The following FGF14 variants were observed in gnomAD, a reference collection of about 807,000 sequenced individuals.
FGF14 encodes fibroblast growth factor 14, also known as fibroblast growth factor homologous factor 4.
Under a neutral mutation model 25.5 loss-of-function variants are expected in FGF14, and 5 were observed. The observed-to-expected ratio is 0.20, with a 90% CI of 0.10 to 0.41. The LOEUF (loss-of-function observed/expected upper bound fraction) is 0.41, where lower values mean the gene tolerates loss of function less well. FGF14 is among the 10% of genes least tolerant of loss of function. FGF14 has a pLI of 1.00. For missense variants in FGF14, 222 were observed against 320.1 expected (o/e 0.69, Z 2.34); for synonymous variants, 138 against 118.3 (o/e 1.17, Z -1.08).
intron 3 of FGF14, among the ~76,000 whole-genome samples, chr13:101,848,804 G>C (rs1307839582): frequency 6.6e-6 from 1 of 151,872 alleles, no homozygotes; most frequent in African/African-American, 2.4e-5. Context: ...GTTATTCTCA[G>C]TATTTTTACA....
chr13:102,184,598 A>G (rs2048804786), intron 1 of FGF14, among the ~76,000 whole-genome samples: 1 of 152,212 alleles, frequency 6.6e-6, no homozygotes, highest in African/African-American at 2.4e-5. Flanking sequence ...TGACTAGTAA[A>G]TACGAGCAGT....
intron 1 of FGF14, among the ~76,000 whole-genome samples, chr13:102,306,164 G>A (rs1016456249): frequency 1.3e-5 from 2 of 152,236 alleles, no homozygotes; most frequent in African/African-American, 4.8e-5. Flanking sequence ...TTGCATCCTG[G>A]TTTTGGCCAA....
upstream of FGF14, among the ~76,000 whole-genome samples, chr13:101,917,650 T>C (rs551086463): frequency 9.9e-5 from 15 of 151,722 alleles, no homozygotes; most frequent in African/African-American, 2.9e-4. Flanking sequence ...CAACCCCGGG[T>C]TGGAGGGAGG....
In FGF14 at chr13:102,240,452, C is replaced by T. The variant is rs544521597; in HGVS notation, c.208+161019G>A. Among the ~76,000 whole-genome samples, 18 of 152,224 alleles carry T rather than the reference C, an allele frequency of 1.2e-4. No individual in the cohort carries two copies. The South Asian group carries it at 1.7e-3, about 14-fold the overall frequency. On this transcript the variant is annotated intron_variant, in intron 1 of 4. Transcript: ENST00000376131. The stretch of plus-strand genomic sequence containing the variant: ...TTGCTCAACTAAAATAAACATTTCC[C>T]GGCAAATTCAAGAGCTGATATTTGC...
intron 1 of FGF14, among the ~76,000 whole-genome samples, chr13:102,230,792 T>A (rs1331632002): frequency 6.6e-6 from 1 of 152,182 alleles, no homozygotes; most frequent in Non-Finnish European, 1.5e-5. Context: ...ATAATACCTG[T>A]AAAGAGCATT....
At chr13:101,785,105 A>G (rs976188522) in intron 3 of FGF14, among the ~76,000 whole-genome samples, 3 of 152,190 alleles carry the variant, frequency 2.0e-5, no homozygotes, top group Non-Finnish European at 4.4e-5. Context: ...AAGTGCAGTC[A>G]TTACATCTGC....
intron 1 of FGF14, among the ~76,000 whole-genome samples, chr13:102,098,344 C>A (rs1359805226): frequency 6.6e-6 from 1 of 152,116 alleles, no homozygotes; most frequent in Non-Finnish European, 1.5e-5. Flanking sequence ...AGGTGTAATA[C>A]CTAGACGATC....
chr13:101,842,519 T>C (rs1020317568), intron 3 of FGF14, among the ~76,000 whole-genome samples: 3 of 152,016 alleles, frequency 2.0e-5, no homozygotes, highest in African/African-American at 7.2e-5. Context: ...TGAATACATG[T>C]GAGGACTATG....
chr13:101,859,819 A>G (rs1479023234), intron 3 of FGF14, among the ~76,000 whole-genome samples: 1 of 152,168 alleles, frequency 6.6e-6, no homozygotes, highest in Non-Finnish European at 1.5e-5. Flanking sequence ...TGGAAGGAGA[A>G]GGACATCTCC....
chr13:101,863,175 A>G (rs1207213477), intron 3 of FGF14, among the ~76,000 whole-genome samples: 1 of 152,180 alleles, frequency 6.6e-6, no homozygotes, highest in Non-Finnish European at 1.5e-5. Flanking sequence ...TATACTTTTT[A>G]TGATAAAGAA....
At chr13:101,966,772 C>T (rs567098974) in intron 1 of FGF14, among the ~76,000 whole-genome samples, 7 of 152,256 alleles carry the variant, frequency 4.6e-5, no homozygotes, top group African/African-American at 1.2e-4. Flanking sequence ...TCAGCCACCG[C>T]GCCTGGCCAA....
chr13:101,739,666 C>G (rs1230055270), intron 3 of FGF14, among the ~76,000 whole-genome samples: 1 of 152,102 alleles, frequency 6.6e-6, no homozygotes, highest in African/African-American at 2.4e-5. Flanking sequence ...AATCAGAATG[C>G]AGAATGTGAA....
chr13:102,048,393 T>C (rs1375364726), intron 1 of FGF14, among the ~76,000 whole-genome samples: 8 of 152,234 alleles, frequency 5.3e-5, no homozygotes, highest in African/African-American at 1.9e-4. Context: ...ACCTTGTGGT[T>C]AGTATACGGT....
chr13:102,294,041 C>G (rs959843226), intron 1 of FGF14: 1 of 152,004 alleles, frequency 6.6e-6, no homozygotes, highest in East Asian at 1.9e-4. Context: ...AACCTGAAAT[C>G]TGAAATATGA....
intron 1 of FGF14, among the ~76,000 whole-genome samples, chr13:101,914,992 T>A (rs1164656527): frequency 6.6e-6 from 1 of 152,232 alleles, no homozygotes; most frequent in Non-Finnish European, 1.5e-5. Flanking sequence ...TCTAGGCTAA[T>A]GTGGAAAATT....
chr13:102,113,506 T>A (rs959779718), intron 1 of FGF14, among the ~76,000 whole-genome samples: 14 of 152,210 alleles, frequency 9.2e-5, no homozygotes, highest in African/African-American at 3.1e-4. Context: ...GTATCTTAAT[T>A]ATAACATAAT....
At chr13:101,892,756 T>C (rs1256915605) in intron 1 of FGF14, among the ~76,000 whole-genome samples, 1 of 152,168 alleles carries the variant, frequency 6.6e-6, no homozygotes, top group Non-Finnish European at 1.5e-5. Context: ...GCCTCTTGAA[T>C]TTCTCTGAAA....
intron 1 of FGF14, among the ~76,000 whole-genome samples, chr13:102,102,804 AAC>A (rs2044722145): frequency 6.6e-6 from 1 of 152,220 alleles, no homozygotes; most frequent in Non-Finnish European, 1.5e-5. Context: ...GTCAAAGAGT[AAC>A]ACAAAAGCAC....
At chr13:102,251,891 A>C (rs1488614772) in intron 1 of FGF14, among the ~76,000 whole-genome samples, 1 of 152,176 alleles carries the variant, frequency 6.6e-6, no homozygotes, top group East Asian at 1.9e-4. Flanking sequence ...AATATCACTG[A>C]TAAATTTGAA....
Sources: gnomAD v4.1 joint callset for allele counts (sites outside exome capture counted in the v4.1 genomes callset) on GRCh38, gnomAD v4.1.1 for gene constraint, MANE v1.5 for transcripts, NCBI Gene and HGNC (gene_info 2026-07-23, HGNC 2026-07-21) for gene names.